Variants in THTPA observed in about 807,000 individuals in gnomAD.
THTPA encodes the protein thiamine-triphosphatase.
In THTPA, 16 loss-of-function variants were observed where a neutral mutation model predicts 16.5. The observed-to-expected ratio is 0.97, with a 90% CI of 0.66 to 1.47. The LOEUF (loss-of-function observed/expected upper bound fraction) is 1.47, where lower values mean the gene tolerates loss of function less well. Among genes scored for constraint, THTPA ranks in the 40% most tolerant of loss-of-function variants. The pLI, the probability that THTPA is intolerant of heterozygous loss-of-function variation, is 0.00. For missense variants in THTPA, 281 were observed against 280.9 expected, an observed-to-expected ratio of 1.00 and a Z score of 0.00; for synonymous variants, 110 against 115.5, an observed-to-expected ratio of 0.95 and a Z score of 0.30.
chr14:23,514,412 G>T, the THTPA span: 1 of 152,678 alleles, frequency 6.5e-6, no homozygotes, highest in East Asian at 1.9e-4. Flanking sequence ...AGATCCCCTT[G>T]TCTGGTCTGT....
chr14:23,524,075 C>T, the THTPA span: 1 of 1,524,068 alleles, frequency 6.6e-7, no homozygotes, highest in Non-Finnish European at 8.8e-7. This position sits in a 1 kb window ranked among gnomAD's most constrained non-coding sequence, Gnocchi z 5.6. Flanking sequence ...TGGGGCTTCC[C>T]TCCCAGTGCC....
the THTPA span, chr14:23,511,873 C>T: frequency 3.9e-5 from 6 of 152,144 alleles, no homozygotes; most frequent in Non-Finnish European, 8.8e-5. Context: ...TAAGAAGGCT[C>T]GGTGGCGCTC....
At chr14:23,558,568 G>C (rs1882838172) in intron 1 of THTPA, 127 bp from the exon 2 acceptor site, 1 of 1,227,462 alleles carries the variant, frequency 8.1e-7, no homozygotes, top group Non-Finnish European at 1.2e-6. Flanking sequence ...GAAGCTGGGT[G>C]GGTGACATTC....
chr14:23,527,865 T>G, the THTPA span: 1 of 1,409,840 alleles, frequency 7.1e-7, no homozygotes, highest in Non-Finnish European at 9.6e-7. Context: ...CACCATCACA[T>G]AGTCCTTTGG....
In THTPA at chr14:23,559,715, A is replaced by G. The variant is rs1883104467; in HGVS notation, c.*875A>G. The G allele has an allele frequency of 6.2e-7, 1 of 1,606,048 alleles. No individual in the cohort carries two copies. Among genetic ancestry groups the G allele is most frequent in the Non-Finnish European group, 8.5e-7 (1 of 1,173,992 alleles). ...CTGCTGGGGCCCCCTGGGGTTTGGG[A>G]CACAGGAGAATTTCAGGCTGTGAGT... is the stretch of plus-strand genomic sequence containing the variant. On this transcript the variant is annotated 3_prime_UTR_variant, in exon 2 of 2. Transcript: ENST00000288014.
the THTPA span, chr14:23,534,328 A>C: frequency 1.3e-6 from 2 of 1,536,462 alleles, no homozygotes; most frequent in South Asian, 2.4e-5. The surrounding 1 kb of genome is among the most constrained non-coding windows in gnomAD (Gnocchi z 4.5). Flanking sequence ...CAGGAGGATA[A>C]GGGCCTGGAC....
chr14:23,531,929 C>T, the THTPA span: 109 of 527,552 alleles, frequency 2.1e-4, 1 homozygote, highest in Middle Eastern at 5.5e-4. Context: ...GGCATGCGCA[C>T]CACACCTGGC....
the THTPA span, among the ~76,000 whole-genome samples, chr14:23,515,434 C>T: frequency 9.2e-5 from 14 of 152,126 alleles, no homozygotes; most frequent in Admixed American, 9.2e-4. Flanking sequence ...ATGCAAGGCA[C>T]CCAGTTAGAG....
At chr14:23,522,362 G>C in the THTPA span, 1 of 1,536,082 alleles carries the variant, frequency 6.5e-7, no homozygotes, top group Admixed American at 2.0e-5. Context: ...GGAGATGCCA[G>C]TGCTGCCTGT....
chr14:23,544,775 C>T, the THTPA span, among the ~76,000 whole-genome samples: 3 of 152,190 alleles, frequency 2.0e-5, no homozygotes, highest in South Asian at 2.1e-4. Context: ...GATGAGGCCC[C>T]GCCCACTGGC....
the THTPA span, chr14:23,544,085 C>A: frequency 6.6e-6 from 1 of 151,898 alleles, no homozygotes; most frequent in Non-Finnish European, 1.5e-5. Flanking sequence ...AACCCTGTCT[C>A]TACTAAAAAT....
At chr14:23,552,633 ACTCTGTCGCC>A (rs1882062034), upstream of THTPA, among the ~76,000 whole-genome samples, 2 of 150,530 alleles carry the variant, frequency 1.3e-5, no homozygotes, top group Admixed American at 1.3e-4. Flanking sequence ...AGACAGAGTC[ACTCTGTCGCC>A]CAGGCTGCAG....
chr14:23,538,993 G>A, the THTPA span, among the ~76,000 whole-genome samples: 1 of 152,128 alleles, frequency 6.6e-6, no homozygotes, highest in Non-Finnish European at 1.5e-5. Flanking sequence ...GGGGATGGGA[G>A]GAGGGAGGCC....
the THTPA span, among the ~76,000 whole-genome samples, chr14:23,549,478 C>T: frequency 6.6e-6 from 1 of 152,132 alleles, no homozygotes; most frequent in Admixed American, 6.5e-5. Context: ...TACTGTTCTT[C>T]AGGCTAAATG....
the THTPA span, among the ~76,000 whole-genome samples, chr14:23,516,103 T>C: frequency 6.6e-6 from 1 of 152,246 alleles, no homozygotes; most frequent in African/African-American, 2.4e-5. Flanking sequence ...TGCTAAGCTC[T>C]CTAGGTCAGT....
At chr14:23,535,633 C>T in the THTPA span, among the ~76,000 whole-genome samples, 4 of 151,942 alleles carry the variant, frequency 2.6e-5, no homozygotes, top group South Asian at 6.2e-4. The surrounding 1 kb of genome is among the most constrained non-coding windows in gnomAD (Gnocchi z 4.5). Context: ...GCTCTTGTTG[C>T]CCAGGATGGA....
the THTPA span, chr14:23,523,674 G>A: frequency 1.9e-6 from 3 of 1,540,336 alleles, no homozygotes; most frequent in Non-Finnish European, 2.6e-6. The surrounding 1 kb of genome is among the most constrained non-coding windows in gnomAD (Gnocchi z 4.1). Context: ...TGCATGGTGG[G>A]GGTGCGGTAA....
the THTPA span, chr14:23,526,119 G>T: frequency 6.5e-7 from 1 of 1,536,488 alleles, no homozygotes; most frequent in Non-Finnish European, 8.7e-7. Context: ...CCCCGAGAGC[G>T]AGTCTGATGC....
At chr14:23,525,732 C>T in the THTPA span, 1 of 1,514,664 alleles carries the variant, frequency 6.6e-7, no homozygotes, top group Non-Finnish European at 8.8e-7. The surrounding 1 kb of genome is among the most constrained non-coding windows in gnomAD (Gnocchi z 5.9). Flanking sequence ...TCAGCCAGCT[C>T]AGCCTTGGGA....
Sources: allele counts gnomAD v4.1 joint callset (sites outside exome capture counted in the v4.1 genomes callset), GRCh38; gene constraint gnomAD v4.1.1; non-coding constraint Gnocchi (gnomAD v3.1); transcripts MANE v1.5; gene names NCBI Gene and HGNC (gene_info 2026-07-23, HGNC 2026-07-21).